FBXL17: variants seen among roughly 807,000 people sequenced by gnomAD.
The protein encoded by FBXL17 is F-box/LRR-repeat protein 17.
FBXL17 carries 22 observed loss-of-function variants against 66.2 expected under a neutral mutation model. That is an observed-to-expected ratio of 0.33 (90% CI 0.24 to 0.47). The LOEUF (loss-of-function observed/expected upper bound fraction) is 0.47, where lower values mean the gene tolerates loss of function less well. Among genes scored for constraint, FBXL17 ranks in the 20% least tolerant of loss-of-function variants. The pLI is 1.00. For missense variants in FBXL17, 878 were observed against 948.2 expected (o/e 0.93, Z 0.97); for synonymous variants, 474 against 400.5 (o/e 1.18, Z -2.19).
chr5:108,166,083 A>T (rs1446385637), intron 6 of FBXL17, among the ~76,000 whole-genome samples: 1 of 152,208 alleles, frequency 6.6e-6, no homozygotes, highest in African/African-American at 2.4e-5. Flanking sequence ...CATACAGATT[A>T]AAAAGTACAT....
At chr5:108,211,150 T>G (rs901759100) in intron 5 of FBXL17, among the ~76,000 whole-genome samples, 4 of 152,154 alleles carry the variant, frequency 2.6e-5, no homozygotes, top group African/African-American at 9.7e-5. Flanking sequence ...TTTTTGTTTT[T>G]GTTTTGGTTT....
intron 7 of FBXL17, among the ~76,000 whole-genome samples, chr5:107,946,455 AATT>A (rs143145847): frequency 6.3e-4 from 88 of 140,284 alleles, no homozygotes; most frequent in Admixed American, 2.3e-3. Context: ...CACACCTGCC[AATT>A]ATTATTATTA....
At chr5:108,284,878 G>T (rs1422913990) in intron 4 of FBXL17, among the ~76,000 whole-genome samples, 5 of 151,760 alleles carry the variant, frequency 3.3e-5, no homozygotes, top group African/African-American at 1.2e-4. Flanking sequence ...AGTGTTTGAT[G>T]TATCAATGAA....
intron 5 of FBXL17, among the ~76,000 whole-genome samples, chr5:108,192,193 C>T (rs943643769): frequency 6.6e-6 from 1 of 152,192 alleles, no homozygotes; most frequent in Non-Finnish European, 1.5e-5. Context: ...CCTTCATAGT[C>T]TCAAACAGAT....
At chr5:107,932,899 G>A (rs537438946) in intron 7 of FBXL17, among the ~76,000 whole-genome samples, 3 of 152,236 alleles carry the variant, frequency 2.0e-5, no homozygotes, top group African/African-American at 7.2e-5. Flanking sequence ...AGTGTTGATT[G>A]TGGATATAAA....
Position 107,863,860 on chromosome 5 carries a change from G to A in FBXL17, c.1966-2000C>T, listed in dbSNP as rs532304616. Among the ~76,000 whole-genome samples, 102 of 152,098 alleles carry A rather than the reference G, an allele frequency of 6.7e-4. 1 individual carries two copies. The highest frequency in any genetic ancestry group is 1.2e-3 in the Non-Finnish European group (85 of 68,030). On this transcript the variant is annotated intron_variant, in intron 8 of 8. Coordinates refer to ENST00000542267, the MANE Select transcript of FBXL17 (RefSeq NM_001163315.3). ...CTCCCTAAGCAACCCAACCCAGAAG[G>A]TTGAGTTAGGCACCCCTTCCCAGTG...
chr5:107,994,989 A>T (rs1201828502), intron 7 of FBXL17, among the ~76,000 whole-genome samples: 1 of 152,198 alleles, frequency 6.6e-6, no homozygotes, highest in African/African-American at 2.4e-5. Flanking sequence ...TAGGGTAATG[A>T]CTGGAAAGGG....
intron 5 of FBXL17, among the ~76,000 whole-genome samples, chr5:108,207,462 A>G (rs1754170227): frequency 6.6e-6 from 1 of 151,906 alleles, no homozygotes; most frequent in Non-Finnish European, 1.5e-5. Context: ...TATTTCTCCT[A>G]ATGTTATCCC....
At chr5:108,334,711 A>T (rs1760294515) in intron 4 of FBXL17, among the ~76,000 whole-genome samples, 1 of 152,220 alleles carries the variant, frequency 6.6e-6, no homozygotes, top group East Asian at 1.9e-4. Context: ...CAACAAGTGC[A>T]ATAGAAAGTT....
chr5:108,340,431 C>A (rs1383996832), intron 4 of FBXL17, among the ~76,000 whole-genome samples: 1 of 149,776 alleles, frequency 6.7e-6, no homozygotes, highest in African/African-American at 2.4e-5. Flanking sequence ...TAAATTGGAT[C>A]TTTCAAATAC....
At chr5:107,979,373 C>G (rs1363172599) in intron 7 of FBXL17, among the ~76,000 whole-genome samples, 1 of 152,190 alleles carries the variant, frequency 6.6e-6, no homozygotes, top group East Asian at 1.9e-4. Flanking sequence ...TCCAGCATTT[C>G]AATCAAAGTG....
chr5:108,042,198 G>A (rs183222894), intron 6 of FBXL17, among the ~76,000 whole-genome samples: 1 of 152,206 alleles, frequency 6.6e-6, no homozygotes, highest in East Asian at 1.9e-4. Context: ...CTGGCCTTCA[G>A]TTTTTTATCA....
intron 7 of FBXL17, among the ~76,000 whole-genome samples, chr5:107,910,395 A>C (rs1405078901): frequency 1.3e-5 from 2 of 152,146 alleles, no homozygotes; most frequent in African/African-American, 4.8e-5. Context: ...ACAAAATGAG[A>C]AACAGCATGG....
chr5:108,049,680 T>G (rs1431133008), intron 6 of FBXL17, among the ~76,000 whole-genome samples: 1 of 152,156 alleles, frequency 6.6e-6, no homozygotes, highest in Non-Finnish European at 1.5e-5. Flanking sequence ...CTGCATCAAC[T>G]AGTGTGCAAA....
intron 4 of FBXL17, among the ~76,000 whole-genome samples, chr5:108,333,044 T>C (rs1191944150): frequency 7.2e-6 from 1 of 139,366 alleles, no homozygotes; most frequent in Non-Finnish European, 1.5e-5. Context: ...AGATATAAAA[T>C]CTTATATAAG....
chr5:108,016,149 G>T (rs1754378236), intron 7 of FBXL17, among the ~76,000 whole-genome samples: 1 of 152,214 alleles, frequency 6.6e-6, no homozygotes, highest in African/African-American at 2.4e-5. Flanking sequence ...CATGGACAAA[G>T]TGACCTCCTT....
At chr5:108,347,540 G>A (rs909418209) in intron 4 of FBXL17, among the ~76,000 whole-genome samples, 3 of 152,208 alleles carry the variant, frequency 2.0e-5, no homozygotes, top group South Asian at 2.1e-4. Context: ...TGATAAACAC[G>A]AATGAGCCTT....
At position 108,381,652 on chromosome 5, in the gene FBXL17, T is replaced by C. The variant is rs1053825024; in HGVS notation, c.40A>G (p.Ser14Gly). The C allele has an allele frequency of 6.8e-6, 10 of 1,479,368 alleles. No individual in the cohort carries two copies. The highest frequency in any genetic ancestry group is 8.9e-6 in the Non-Finnish European group (10 of 1,119,070). 91.6% of individuals were successfully genotyped at this position (1,479,368 alleles called of 1,614,324 possible). A position where few individuals can be genotyped will look rare whatever the true frequency, so the allele number is the denominator to read the frequency against. Residue 14 changes from serine to glycine, a missense_variant, in exon 1 of 9, where the codon AGC becomes GGC. By Grantham distance (56) the Ser-to-Gly change is moderately conservative (BLOSUM62 0). Transcript: ENST00000542267. The stretch of plus-strand genomic sequence containing the variant: ...CTGCAACAGCGAGGCCTCTTCTGGC[T>C]CGGGCGGTTACGCGGCTCCTTCGAG... The part of the protein sequence containing the change: ...LLSKEPRNRP[S>G]QKRPRCCSWC...
chr5:108,043,257 T>A (rs1747120448), intron 6 of FBXL17, among the ~76,000 whole-genome samples: 1 of 152,182 alleles, frequency 6.6e-6, no homozygotes, highest in Admixed American at 6.5e-5. Flanking sequence ...ATTTTCCTTT[T>A]ATGGATCATG....
Sources: allele counts gnomAD v4.1 joint callset (sites outside exome capture counted in the v4.1 genomes callset), GRCh38; gene constraint gnomAD v4.1.1; transcripts MANE v1.5; gene names NCBI Gene and HGNC (gene_info 2026-07-23, HGNC 2026-07-21).